SPMIP4: variants seen among roughly 807,000 people sequenced by gnomAD.
SPMIP4 encodes the protein sperm-associated microtubule inner protein 4.
the SPMIP4 span, among the ~76,000 whole-genome samples, chr7:25,147,245 G>A: frequency 3.9e-5 from 6 of 152,344 alleles, no homozygotes; most frequent in Admixed American, 3.9e-4. Flanking sequence ...AGTGAGCCGA[G>A]ATTGTGCCAC....
chr7:25,147,120 C>T, the SPMIP4 span, among the ~76,000 whole-genome samples: 1 of 152,096 alleles, frequency 6.6e-6, no homozygotes, highest in Admixed American at 6.6e-5. Flanking sequence ...ACAGGGTGAA[C>T]CCATCTCTAC....
the SPMIP4 span, among the ~76,000 whole-genome samples, chr7:25,126,275 G>GAC: frequency 6.6e-6 from 1 of 151,962 alleles, no homozygotes; most frequent in Admixed American, 6.6e-5. Flanking sequence ...TTCTTCTTCA[G>GAC]TGGCGCCATT....
At chr7:25,136,721 G>A in the SPMIP4 span, 21 of 1,613,944 alleles carry the variant, frequency 1.3e-5, no homozygotes, top group Admixed American at 1.3e-4. The surrounding 1 kb of genome is among the most constrained non-coding windows in gnomAD (Gnocchi z 5.7). Context: ...AGAGAACGTC[G>A]GTTCTGAATT....
At chr7:25,160,005 T>A in the SPMIP4 span, among the ~76,000 whole-genome samples, 1 of 151,966 alleles carries the variant, frequency 6.6e-6, no homozygotes, top group African/African-American at 2.4e-5. Flanking sequence ...AAAAAATAAA[T>A]TTAAAATATA....
the SPMIP4 span, among the ~76,000 whole-genome samples, chr7:25,167,496 T>G: frequency 6.6e-6 from 1 of 152,254 alleles, no homozygotes; most frequent in Non-Finnish European, 1.5e-5. Context: ...ATCTTTCTAA[T>G]TGGCCTGTGA....
the SPMIP4 span, among the ~76,000 whole-genome samples, chr7:25,141,987 C>T: frequency 4.6e-5 from 7 of 152,314 alleles, no homozygotes; most frequent in East Asian, 7.7e-4. Flanking sequence ...CTGTCCGCCT[C>T]GGCCTCCCAG....
At chr7:25,142,731 T>C in the SPMIP4 span, 2 of 1,609,100 alleles carry the variant, frequency 1.2e-6, no homozygotes, top group South Asian at 2.2e-5. Flanking sequence ...TAGGGTCCCA[T>C]GAATTTAAAG....
the SPMIP4 span, among the ~76,000 whole-genome samples, chr7:25,164,540 T>C: frequency 2.6e-5 from 4 of 152,186 alleles, no homozygotes; most frequent in African/African-American, 9.7e-5. Flanking sequence ...GGTTGTTCTA[T>C]CAAGTAACAT....
the SPMIP4 span, among the ~76,000 whole-genome samples, chr7:25,158,234 G>A: frequency 6.6e-6 from 1 of 151,718 alleles, no homozygotes; most frequent in Non-Finnish European, 1.5e-5. Flanking sequence ...CAGGCATAGT[G>A]GTGCACACCT....
At chr7:25,179,121 A>C in the SPMIP4 span, 1 of 1,525,766 alleles carries the variant, frequency 6.6e-7, no homozygotes, top group Non-Finnish European at 8.9e-7. Context: ...AATAAAATAC[A>C]CGAATACATT....
At chr7:25,174,208 CTT>C in the SPMIP4 span, among the ~76,000 whole-genome samples, 3 of 151,774 alleles carry the variant, frequency 2.0e-5, no homozygotes, top group South Asian at 2.1e-4. The surrounding 1 kb of genome is among the most constrained non-coding windows in gnomAD (Gnocchi z 4.5). Context: ...CTCCGTCTCC[CTT>C]TCTCTCTCTC....
the SPMIP4 span, among the ~76,000 whole-genome samples, chr7:25,139,414 T>C: frequency 6.6e-6 from 1 of 152,124 alleles, no homozygotes; most frequent in Non-Finnish European, 1.5e-5. Flanking sequence ...ATTTTTTTTT[T>C]TACTTTTCTG....
At chr7:25,164,795 G>A in the SPMIP4 span, among the ~76,000 whole-genome samples, 2 of 152,004 alleles carry the variant, frequency 1.3e-5, no homozygotes, top group African/African-American at 2.4e-5. Context: ...CCTTCCCCCT[G>A]AGTCCCCAGA....
chr7:25,156,490 C>A, the SPMIP4 span, among the ~76,000 whole-genome samples: 1 of 151,954 alleles, frequency 6.6e-6, no homozygotes, highest in Non-Finnish European at 1.5e-5. Context: ...ATAGAAAGAC[C>A]AAAAAAACCT....
the SPMIP4 span, among the ~76,000 whole-genome samples, chr7:25,137,126 G>A: frequency 7.9e-5 from 12 of 152,184 alleles, no homozygotes; most frequent in South Asian, 2.1e-4. Flanking sequence ...GGCATTAGCC[G>A]CGTGTGCAGT....
the SPMIP4 span, among the ~76,000 whole-genome samples, chr7:25,130,312 C>CT: frequency 0.17 from 21,760 of 131,676 alleles, 2,429 homozygotes; most frequent in African/African-American, 0.3. Context: ...GTTATCACTT[C>CT]TTTTTTTTTT....
the SPMIP4 span, among the ~76,000 whole-genome samples, chr7:25,173,059 G>A: frequency 6.6e-6 from 1 of 151,128 alleles, no homozygotes; most frequent in African/African-American, 2.4e-5. The surrounding 1 kb of genome is among the most constrained non-coding windows in gnomAD (Gnocchi z 4.4). Context: ...GGGAGAGAGA[G>A]GGGGAGAGAA....
the SPMIP4 span, chr7:25,161,052 G>T: frequency 3.8e-6 from 2 of 532,122 alleles, no homozygotes; most frequent in South Asian, 3.0e-5. Flanking sequence ...TTGGTTTCTG[G>T]CATTGTCTCT....
chr7:25,166,392 C>A, the SPMIP4 span, among the ~76,000 whole-genome samples: 1 of 151,612 alleles, frequency 6.6e-6, no homozygotes, highest in South Asian at 2.1e-4. Context: ...TCGAGACCAT[C>A]CTGGCTAACA....
Sources: gnomAD v4.1 joint callset for allele counts (sites outside exome capture counted in the v4.1 genomes callset) on GRCh38, gnomAD v4.1.1 for gene constraint, Gnocchi (gnomAD v3.1) non-coding constraint, MANE v1.5 for transcripts, NCBI Gene and HGNC (gene_info 2026-07-23, HGNC 2026-07-21) for gene names.